The following NALCN variants were observed in gnomAD, a reference collection of about 807,000 sequenced individuals.
The protein encoded by NALCN is sodium leak channel, non-selective.
NALCN carries 111 observed loss-of-function variants against 225.3 expected under a neutral mutation model. That is an observed-to-expected ratio of 0.49 (90% CI 0.42 to 0.58). NALCN has a LOEUF of 0.58. NALCN is among the 20% of genes least tolerant of loss of function. The pLI, the probability that NALCN is intolerant of heterozygous loss-of-function variation, is 0.00. For synonymous variants in NALCN, 764 were observed against 769.0 expected, an observed-to-expected ratio of 0.99 and a Z score of 0.11; for missense variants, 1,378 against 2,202.4, an observed-to-expected ratio of 0.63 and a Z score of 7.49.
At chr13:101,226,326 G>A (rs1201876972) in intron 13 of NALCN, among the ~76,000 whole-genome samples, 1 of 152,054 alleles carries the variant, frequency 6.6e-6, no homozygotes, top group South Asian at 2.1e-4. Context: ...CCTGCGATAA[G>A]CTCCCCACTT....
chr13:101,279,852 T>TAAAGAAAG, intron 10 of NALCN, among the ~76,000 whole-genome samples: 1 of 148,304 alleles, frequency 6.7e-6, no homozygotes, highest in Admixed American at 6.7e-5. Flanking sequence ...AATAAATAAA[T>TAAAGAAAG]AAATAAATAA....
intron 6 of NALCN, among the ~76,000 whole-genome samples, chr13:101,368,371 T>C (rs1413857037): frequency 6.6e-6 from 1 of 152,000 alleles, no homozygotes; most frequent in African/African-American, 2.4e-5. Context: ...CCATGGTGTA[T>C]ATGTGCCACA....
chr13:101,301,740 AG>A (rs1336456040), intron 7 of NALCN, among the ~76,000 whole-genome samples: 3 of 136,072 alleles, frequency 2.2e-5, no homozygotes, highest in Non-Finnish European at 5.1e-5. Flanking sequence ...AGACAAGACA[AG>A]AAAAAAAAAA....
chr13:101,083,766 T>C lies in NALCN; in HGVS notation c.3528A>G (p.Glu1176=). 1 of 1,614,028 alleles carries C rather than the reference T, an allele frequency of 6.2e-7. No homozygotes were observed. The highest frequency in any genetic ancestry group is 8.5e-7 in the Non-Finnish European group (1 of 1,179,912). Residue 1176 remains glutamate (E), a synonymous_variant, in exon 31 of 44, where the codon GAA becomes GAG. Transcript: ENST00000251127. ...ALLTVDQRRW[E]DLKSRLKIAQ... ...CGATCTTCAGTCGGCTCTTCAGGTC[T>C]TCCCATCTTCTCTGATCGACGGTCA...
At chr13:101,188,019 A>G (rs920741953) in intron 14 of NALCN, among the ~76,000 whole-genome samples, 5 of 152,144 alleles carry the variant, frequency 3.3e-5, no homozygotes, top group Non-Finnish European at 7.3e-5. Context: ...TTTGGGCAGT[A>G]CCTAAGATCT....
rs2139364483 is a variant in NALCN, at chr13:101,054,063, T to G, written c.*1232A>C. On this transcript the variant is annotated 3_prime_UTR_variant, in exon 44 of 44. Coordinates refer to ENST00000251127, the MANE Select transcript of NALCN (RefSeq NM_052867.4). ...GATAATCCCTCTGTTAAAAAACATCTGAACAGCAAATGTCCAATCTGTAAT... is the reference window on the plus strand; with the variant it reads ...GATAATCCCTCTGTTAAAAAACATCGGAACAGCAAATGTCCAATCTGTAAT... The G allele has an allele frequency of 6.6e-6, 1 of 152,326 alleles. No homozygotes were observed. Among genetic ancestry groups the G allele is most frequent in the South Asian group, 2.1e-4 (1 of 4,826 alleles). 9.4% of individuals were successfully genotyped at this position (152,326 alleles called of 1,614,324 possible).
intron 6 of NALCN, among the ~76,000 whole-genome samples, chr13:101,367,741 A>G (rs1219282305): frequency 6.6e-6 from 1 of 152,148 alleles, no homozygotes; most frequent in Non-Finnish European, 1.5e-5. Flanking sequence ...CTGATTTAAA[A>G]GGTGAGATCA....
chr13:101,328,634 T>G (rs1479012415), intron 7 of NALCN, among the ~76,000 whole-genome samples: 2 of 152,250 alleles, frequency 1.3e-5, no homozygotes, highest in African/African-American at 4.8e-5. Flanking sequence ...CTATTTGCTC[T>G]ATAATTCCTT....
At chr13:101,189,125 T>C (rs1422723677) in intron 14 of NALCN, among the ~76,000 whole-genome samples, 3 of 152,200 alleles carry the variant, frequency 2.0e-5, no homozygotes, top group African/African-American at 7.2e-5. Context: ...TATAGTTTAA[T>C]TGTTTTTCTC....
At chr13:101,248,583 G>A (rs183760771) in intron 11 of NALCN, among the ~76,000 whole-genome samples, 166 of 152,226 alleles carry the variant, frequency 1.1e-3, no homozygotes, top group African/African-American at 3.7e-3. Flanking sequence ...CCTACCTAAG[G>A]AAATCCCAAT....
intron 1 of NALCN, among the ~76,000 whole-genome samples, chr13:101,412,992 G>GCTAA: frequency 6.6e-6 from 1 of 152,240 alleles, no homozygotes; most frequent in East Asian, 1.9e-4. Context: ...GTTTTCAGGT[G>GCTAA]ATTTTTGTAA....
intron 9 of NALCN, among the ~76,000 whole-genome samples, chr13:101,291,735 A>G (rs2043561055): frequency 6.6e-6 from 1 of 152,062 alleles, no homozygotes; most frequent in Admixed American, 6.6e-5. Flanking sequence ...TTTTTTGTAG[A>G]GACAGGGTCT....
intron 12 of NALCN, among the ~76,000 whole-genome samples, chr13:101,232,115 C>T (rs752548654): frequency 2.6e-5 from 4 of 151,484 alleles, no homozygotes; most frequent in East Asian, 1.9e-4. Context: ...AGAATGACAC[C>T]GACACACCAA....
chr13:101,181,288 G>A (rs1421936535), intron 14 of NALCN: 2 of 519,012 alleles, frequency 3.9e-6, no homozygotes, highest in Non-Finnish European at 7.7e-6. Flanking sequence ...AGGAAGGCAG[G>A]ATGGACAGGC....
intron 1 of NALCN, among the ~76,000 whole-genome samples, chr13:101,415,150 G>A (rs943743278): frequency 1.4e-5 from 2 of 143,328 alleles, no homozygotes; most frequent in Admixed American, 6.9e-5. Context: ...TAGTGAAACC[G>A]CTCCTCTCCC....
At chr13:101,208,073 GACAAACAACTCCCAACAGGAGGA>G (rs1414363220) in intron 13 of NALCN, among the ~76,000 whole-genome samples, 4 of 151,898 alleles carry the variant, frequency 2.6e-5, no homozygotes, top group Admixed American at 2.6e-4. Flanking sequence ...CACCAGGAGG[GACAAACAACTCCCAACAGGAGGA>G]ACGAACAACT....
intron 14 of NALCN, among the ~76,000 whole-genome samples, chr13:101,191,151 AT>A (rs138249745): frequency 0.023 from 3,570 of 152,290 alleles, 76 homozygotes; most frequent in African/African-American, 0.057. Context: ...AAAGGGAAAC[AT>A]TTGAGTCCTC....
At chr13:101,413,842 G>A (rs191658471) in intron 1 of NALCN, among the ~76,000 whole-genome samples, 4 of 152,286 alleles carry the variant, frequency 2.6e-5, no homozygotes, top group Admixed American at 2.6e-4. Context: ...TAACATGAGT[G>A]AAGCTCTAAA....
intron 7 of NALCN, among the ~76,000 whole-genome samples, chr13:101,336,013 T>C (rs2045366432): frequency 6.6e-6 from 1 of 152,072 alleles, no homozygotes; most frequent in South Asian, 2.1e-4. Context: ...ATATTTTATG[T>C]CCATATTTAA....
Sources: allele counts gnomAD v4.1 joint callset (sites outside exome capture counted in the v4.1 genomes callset), GRCh38; gene constraint gnomAD v4.1.1; transcripts MANE v1.5; gene names NCBI Gene and HGNC (gene_info 2026-07-23, HGNC 2026-07-21).